RUBCNL: variants seen among roughly 807,000 people sequenced by gnomAD.
RUBCNL encodes protein associated with UVRAG as autophagy enhancer.
Under a neutral mutation model 69.5 loss-of-function variants are expected in RUBCNL, and 62 were observed. That is an observed-to-expected ratio of 0.89 (90% CI 0.73 to 1.10). The LOEUF is 1.10. Ranked by LOEUF, RUBCNL falls within the 50% of genes least tolerant of loss-of-function variation. RUBCNL has a pLI of 0.00. For synonymous variants in RUBCNL, 291 were observed against 303.6 expected (o/e 0.96, Z 0.43); for missense variants, 768 against 798.1 (o/e 0.96, Z 0.45).
At chr13:46,351,827 A>C (rs1298697028) in intron 10 of RUBCNL, among the ~76,000 whole-genome samples, 15 of 107,710 alleles carry the variant, frequency 1.4e-4, no homozygotes, top group East Asian at 3.5e-4. Flanking sequence ...TGCTCTTTAC[A>C]CTTTTTTTTT....
intron 10 of RUBCNL, chr13:46,350,600 T>A: frequency 2.6e-6 from 1 of 383,420 alleles, no homozygotes; most frequent in Non-Finnish European, 4.7e-6. Context: ...AAAATACTCC[T>A]GGATTTGGAA....
rs568059246 is a variant in RUBCNL at position 46,334,689 on chromosome 13, A to G, written c.*8696T>C. On this transcript the variant is annotated 3_prime_UTR_variant, in exon 15 of 15. Transcript: ENST00000429979. ...GCAGGGGAGCTTGGAGGCCAGGGGG[A>G]AAAAAAACACTGAATTTTATACACA... Among the ~76,000 whole-genome samples, 16 of 125,702 alleles carry G rather than the reference A, an allele frequency of 1.3e-4. No individual in the cohort carries two copies. Among genetic ancestry groups the G allele is most frequent in the South Asian group, 2.5e-4 (1 of 3,960 alleles). The allele number at this position is 125,702 out of a possible 152,430, so 82.5% of individuals were successfully genotyped here. A position where few individuals can be genotyped will look rare whatever the true frequency, so the allele number is the denominator to read the frequency against.
rs770387321 is a variant in RUBCNL at position 46,340,619 on chromosome 13, T to C, written c.*2766A>G. On this transcript the variant is annotated 3_prime_UTR_variant, in exon 15 of 15. Coordinates refer to ENST00000429979, the MANE Select transcript of RUBCNL (RefSeq NM_025113.5). Reference sequence around the variant, plus strand: ...TATAAAGAAAAGAGGTTAATTTGGCTTATGGTTCTGCGGGCTGTACAAGCA... The same window carrying C: ...TATAAAGAAAAGAGGTTAATTTGGCCTATGGTTCTGCGGGCTGTACAAGCA... Among the ~76,000 whole-genome samples the C allele has an allele frequency of 7.2e-5, 11 of 152,216 alleles. No individual in the cohort carries two copies. The highest frequency in any genetic ancestry group is 1.5e-4 in the Non-Finnish European group (10 of 68,040).
At position 46,362,905 on chromosome 13, in the gene RUBCNL, C is replaced by T. The variant is rs113125069; in HGVS notation, c.925+210G>A. Reference sequence around the variant, plus strand: ...TGAGATGAGAGATTAGCTATCCAGACATTTGAAACAAGAACATCATATATA... The same window carrying T: ...TGAGATGAGAGATTAGCTATCCAGATATTTGAAACAAGAACATCATATATA... On this transcript the variant is annotated intron_variant, in intron 6 of 14. Transcript: ENST00000429979. Among the ~76,000 whole-genome samples, 111 of 125,180 alleles carry T rather than the reference C, an allele frequency of 8.9e-4. 3 individuals carry two copies. The highest frequency in any genetic ancestry group is 3.4e-3 in the African/African-American group (107 of 31,330). 82.1% of individuals were successfully genotyped at this position (125,180 alleles called of 152,430 possible).
At chr13:46,366,536 T>C (rs1247751729) in intron 5 of RUBCNL, among the ~76,000 whole-genome samples, 1 of 152,230 alleles carries the variant, frequency 6.6e-6, no homozygotes, top group Non-Finnish European at 1.5e-5. Flanking sequence ...GTTCTATATC[T>C]TAAGACAAAA....
At position 46,368,055 on chromosome 13, in the gene RUBCNL, G is replaced by A. The variant is rs768292165; in HGVS notation, c.813C>T (p.Tyr271=). 1.3e-5 allele frequency: 21 copies of A among 1,613,756 alleles called. No homozygotes were observed. In the East Asian group the frequency reaches 4.5e-4, roughly 34 times the overall value. Residue 271 remains tyrosine (Y), a synonymous_variant, in exon 5 of 15, where the codon TAC becomes TAT. Coordinates refer to ENST00000429979, the MANE Select transcript of RUBCNL (RefSeq NM_025113.5). The part of the protein sequence containing the change: ...KQESGSSTSS[Y]SGYEGCAVLQ... ...TGCCCAACTTGCCTTCATAGCCACT[G>A]TATGAAGAAGTAGAAGACCCAGACT...
intron 2 of RUBCNL, among the ~76,000 whole-genome samples, chr13:46,377,338 A>G (rs1238505): frequency 0.3 from 45,120 of 152,046 alleles, 8,004 homozygotes; most frequent in East Asian, 0.58. Context: ...ATCTCGGCTC[A>G]CTGCAACCTC....
intron 10 of RUBCNL, among the ~76,000 whole-genome samples, chr13:46,354,273 A>C (rs2048434409): frequency 6.6e-6 from 1 of 152,170 alleles, no homozygotes; most frequent in Admixed American, 6.5e-5. Context: ...AATCTGAATA[A>C]AGCCTGGGGT....
Position 46,342,114 on chromosome 13 carries a change from G to C in RUBCNL, c.*1271C>G, listed in dbSNP as rs1345340492. On this transcript the variant is annotated 3_prime_UTR_variant, in exon 15 of 15. Transcript: ENST00000429979. ...GTTCTGGCAGAGGCACTGCGGATGAGAAAACAATTGACAGAATGAGAAGAC... is the reference window on the plus strand; with the variant it reads ...GTTCTGGCAGAGGCACTGCGGATGACAAAACAATTGACAGAATGAGAAGAC... The C allele has an allele frequency of 1.3e-5, 2 of 152,232 alleles. No individual in the cohort carries two copies. The allele number at this position is 152,232 out of a possible 1,614,324, so 9.4% of individuals were successfully genotyped here.
intron 3 of RUBCNL, among the ~76,000 whole-genome samples, chr13:46,369,977 T>C (rs2048842828): frequency 6.6e-6 from 1 of 152,258 alleles, no homozygotes; most frequent in African/African-American, 2.4e-5. Flanking sequence ...CTGAGAGCCA[T>C]ACAGTATCTG....
chr13:46,369,959 T>C (rs1338427851), intron 3 of RUBCNL, among the ~76,000 whole-genome samples: 1 of 152,220 alleles, frequency 6.6e-6, no homozygotes, highest in Non-Finnish European at 1.5e-5. Flanking sequence ...TGGTATATAT[T>C]GGAGGATCTG....
At chr13:46,352,754 A>G (rs1218766464) in intron 10 of RUBCNL, among the ~76,000 whole-genome samples, 1 of 152,034 alleles carries the variant, frequency 6.6e-6, no homozygotes, top group African/African-American at 2.4e-5. Context: ...CAGTGAGCCA[A>G]GATTGCGCCA....
chr13:46,377,690 C>T (rs953666620), intron 2 of RUBCNL, among the ~76,000 whole-genome samples, 200 bp downstream of exon 2: 6 of 152,204 alleles, frequency 3.9e-5, no homozygotes, highest in Admixed American at 6.5e-5. Flanking sequence ...AAAAAACAAC[C>T]GTCAAAAGCA....
intron 13 of RUBCNL, 29 bp downstream of exon 13, chr13:46,345,418 G>A: frequency 6.5e-7 from 1 of 1,549,890 alleles, no homozygotes; most frequent in Non-Finnish European, 8.7e-7. Context: ...GGTGCATCGG[G>A]AACGAATCTG....
intron 10 of RUBCNL, among the ~76,000 whole-genome samples, chr13:46,351,424 G>C (rs12431063): frequency 0.27 from 41,309 of 152,090 alleles, 5,952 homozygotes; most frequent in Middle Eastern, 0.31. Context: ...TAATTTGTAG[G>C]AAGACATTTT....
intron 9 of RUBCNL, among the ~76,000 whole-genome samples, chr13:46,356,980 C>T (rs1001447149): frequency 3.3e-5 from 5 of 150,124 alleles, no homozygotes; most frequent in African/African-American, 9.8e-5. Context: ...CCCCCTACTT[C>T]GGCCTCCCAA....
intron 1 of RUBCNL, among the ~76,000 whole-genome samples, chr13:46,384,357 C>T (rs563847594): frequency 6.6e-6 from 1 of 152,076 alleles, no homozygotes; most frequent in Admixed American, 6.5e-5. Context: ...TCTAGCTTGT[C>T]GGAATAAAAG....
At chr13:46,363,015 G>T in intron 6 of RUBCNL, 100 bp downstream of exon 6, 1 of 311,510 alleles carries the variant, frequency 3.2e-6, no homozygotes, top group Non-Finnish European at 5.6e-6. Context: ...TGGTTTGAAT[G>T]CCACTGTAAC....
In RUBCNL at chr13:46,350,246, C is replaced by A; in HGVS notation, c.1436G>T (p.Trp479Leu). 6.3e-7 allele frequency: 1 copy of A among 1,592,120 alleles called. No individual in the cohort carries two copies. The highest frequency in any genetic ancestry group is 2.3e-5 in the East Asian group (1 of 43,928). Residue 479 changes from tryptophan to leucine, a missense_variant, in exon 11 of 15, where the codon TGG becomes TTG. Physicochemically the swap from Trp to Leu is moderately conservative, Grantham distance 61 (BLOSUM62 -2). Coordinates refer to ENST00000429979, the MANE Select transcript of RUBCNL (RefSeq NM_025113.5). ...SCIPARILMM[W>L]DFKKYYVSNF... ...GCTGACGTAGTACTTCTTGAAGTCC[C>A]ACATCATCAGGATTCGGGCAGGGAT...
Sources: gnomAD v4.1 joint callset for allele counts (sites outside exome capture counted in the v4.1 genomes callset) on GRCh38, gnomAD v4.1.1 for gene constraint, MANE v1.5 for transcripts, NCBI Gene and HGNC (gene_info 2026-07-23, HGNC 2026-07-21) for gene names.